Variants in TSEN34 observed in about 807,000 individuals in gnomAD.
TSEN34 encodes tRNA splicing endonuclease subunit 34.
TSEN34 carries 25 observed loss-of-function variants against 30.2 expected under a neutral mutation model. That is an observed-to-expected ratio of 0.83 (90% CI 0.60 to 1.16). The LOEUF is 1.16. Among genes scored for constraint, TSEN34 ranks in the 50% most tolerant of loss-of-function variants. The pLI is 0.00. For missense variants in TSEN34, 475 were observed against 411.9 expected, an observed-to-expected ratio of 1.15 and a Z score of -1.33; for synonymous variants, 209 against 177.4, an observed-to-expected ratio of 1.18 and a Z score of -1.41.
Position 54,193,199 on chromosome 19 carries a change from A to C in TSEN34, c.770A>C (p.His257Pro). 6.2e-7 allele frequency: 1 copy of C among 1,613,724 alleles called. No individual in the cohort carries two copies. The highest frequency in any genetic ancestry group is 1.1e-5 in the South Asian group (1 of 91,064). ...YPGDPLRFHA[H>P]YIAQCWAPED... The stretch of plus-strand genomic sequence containing the variant: ...GGTGACCCCCTCCGCTTCCACGCCC[A>C]TTATATCGCTCAGTGCTGGGCCCCT... Residue 257 changes from histidine to proline, a missense_variant, in exon 4 of 4, where the codon CAT (histidine) becomes CCT (proline). Transcript: ENST00000396388.
chr19:54,190,106 G>C (rs1038035351), upstream of TSEN34: 12 of 545,024 alleles, frequency 2.2e-5, no homozygotes, highest in African/African-American at 8.0e-5. Context: ...CTACGGGACC[G>C]GGCCAGGATG....
chr19:54,193,337 C>T lies in TSEN34; in HGVS notation c.908C>T (p.Ser303Phe), dbSNP rs2147091215. 6.2e-7 allele frequency: 1 copy of T among 1,614,170 alleles called. No individual in the cohort carries two copies. Among genetic ancestry groups the T allele is most frequent in the Non-Finnish European group, 8.5e-7 (1 of 1,180,022 alleles). ...PQPDGKVVYT[S>F]LQWASLQ is the part of the protein sequence containing the mutation. ...CCTGATGGTAAGGTGGTCTACACCT[C>T]CCTGCAATGGGCCAGCCTGCAGTGA... Residue 303 changes from serine (S) to phenylalanine (F), a missense_variant, in exon 4 of 4, where the codon TCC becomes TTC. Transcript: ENST00000396388.
At chr19:54,189,932 TGGGG>T, upstream of TSEN34, 1 of 279,678 alleles carries the variant, frequency 3.6e-6, no homozygotes, top group Non-Finnish European at 6.9e-6. Context: ...CGGATGTGGG[TGGGG>T]CCACAAGCTT....
In TSEN34 at chr19:54,193,605, T is replaced by C; in HGVS notation, c.*243T>C. 1 of 1,371,192 alleles carries C rather than the reference T, an allele frequency of 7.3e-7. No homozygotes were observed. Among genetic ancestry groups the C allele is most frequent in the Non-Finnish European group, 1.0e-6 (1 of 996,586 alleles). The allele number at this position is 1,371,192 out of a possible 1,614,324, so 84.9% of individuals were successfully genotyped here. A position where few individuals can be genotyped will look rare whatever the true frequency, so the allele number is the denominator to read the frequency against. On this transcript the variant is annotated 3_prime_UTR_variant, in exon 4 of 4. Coordinates refer to ENST00000396388, the MANE Select transcript of TSEN34 (RefSeq NM_001077446.4). ...CCCGAGAATGGGGCCTGGGTTTGAT[T>C]CATCTGTTTTCTACAGGGTTTAAGT...
rs2076696238 is a variant in TSEN34 at position 54,191,512 on chromosome 19, C to T, written c.148C>T (p.Leu50=). Residue 50 remains leucine, a synonymous_variant, in exon 1 of 4, where the codon CTG becomes TTG. Transcript: ENST00000396388. Reference sequence around the variant, plus strand: ...CCAGAACTCGCGCCTGGGCCTCCCGCTGCTGCTGATGCCCGAAGAGGCGCG... The same window carrying T: ...CCAGAACTCGCGCCTGGGCCTCCCGTTGCTGCTGATGCCCGAAGAGGCGCG... ...PRQNSRLGLP[L]LLMPEEARLL... is the part of the protein sequence containing the mutation. The T allele has an allele frequency of 6.3e-7, 1 of 1,589,588 alleles. No individual in the cohort carries two copies. The highest frequency in any genetic ancestry group is 8.5e-7 in the Non-Finnish European group (1 of 1,173,036).
chr19:54,192,470 T>TG (rs2076747594), intron 3 of TSEN34, 97 bp downstream of exon 3: 2 of 1,508,398 alleles, frequency 1.3e-6, no homozygotes, highest in African/African-American at 2.9e-5. Context: ...TTAATAGAGG[T>TG]GGGGTCTCTT....
At chr19:54,191,214 G>T, upstream of TSEN34, 1 of 1,414,390 alleles carries the variant, frequency 7.1e-7, no homozygotes, top group Non-Finnish European at 9.2e-7. Flanking sequence ...CTCGGGCCCA[G>T]CAGGTGGTGA....
upstream of TSEN34, chr19:54,190,418 G>C: frequency 4.1e-6 from 6 of 1,457,546 alleles, no homozygotes; most frequent in African/African-American, 1.5e-5. Context: ...TCTGAAGGGA[G>C]GCAAGGAGGC....
intron 3 of TSEN34, 111 bp from the exon 4 acceptor site, chr19:54,193,064 G>A: frequency 6.8e-7 from 1 of 1,477,274 alleles, no homozygotes; most frequent in Non-Finnish European, 9.3e-7. Context: ...CTGTTTTAGA[G>A]TATCTATAGT....
chr19:54,190,722 C>T (rs1018193949), upstream of TSEN34: 8 of 1,207,402 alleles, frequency 6.6e-6, no homozygotes, highest in African/African-American at 3.2e-5. Context: ...GCTGCGGATT[C>T]GGTGGAGCCG....
upstream of TSEN34, chr19:54,190,419 G>A (rs1408205907): frequency 1.4e-6 from 2 of 1,458,232 alleles, no homozygotes; most frequent in Non-Finnish European, 9.1e-7. Context: ...CTGAAGGGAG[G>A]CAAGGAGGCG....
At chr19:54,193,133 C>T (rs2076768845) in intron 3 of TSEN34, 42 bp from the exon 4 acceptor site, 3 of 1,611,866 alleles carry the variant, frequency 1.9e-6, no homozygotes. Context: ...GTCCAGCCGT[C>T]TGCCATTGGT....
upstream of TSEN34, chr19:54,191,098 G>A (rs2147072091): frequency 7.5e-7 from 1 of 1,332,418 alleles, no homozygotes; most frequent in Non-Finnish European, 9.6e-7. Context: ...GGGTAGAGCG[G>A]GACCCTGGGG....
rs1255531579 is a variant in TSEN34 at position 54,191,796 on chromosome 19, A to T, written c.319A>T (p.Thr107Ser). 6 of 1,614,034 alleles carry T rather than the reference A, an allele frequency of 3.7e-6. No homozygotes were observed. Among genetic ancestry groups the T allele is most frequent in the Non-Finnish European group, 3.4e-6 (4 of 1,180,002 alleles). The change falls in exon 2 of 4, where the codon ACC (threonine) becomes TCC (serine). Residue 107 changes from threonine to serine, a missense_variant. Physicochemically the swap from Thr to Ser is moderately conservative, Grantham distance 58. Transcript: ENST00000396388. ...CGCCTTGGCAGCTGAGGCCCGGGAG[A>T]CCCGTCGTCAGGAGCTCCTGGAGAA... ...QSALAAEARE[T>S]RRQELLEKIT...
chr19:54,190,292 C>A (rs1568840189), upstream of TSEN34: 3 of 1,366,232 alleles, frequency 2.2e-6, no homozygotes, highest in African/African-American at 2.9e-5. Context: ...AGGGTGTCGG[C>A]ATGAGGGGGT....
rs4006644 is a variant in TSEN34 at position 54,193,005 on chromosome 19, C to CAAAA, written c.746-158_746-155dup. 1.3e-3 allele frequency among the ~76,000 whole-genome samples: 125 copies of CAAAA among 99,220 alleles called. 9 individuals carry two copies. Among genetic ancestry groups the CAAAA allele is most frequent in the East Asian group, 5.2e-3 (19 of 3,644 alleles). The allele number at this position is 99,220 out of a possible 152,430, so 65.1% of individuals were successfully genotyped here. A position where few individuals can be genotyped will look rare whatever the true frequency, so the allele number is the denominator to read the frequency against. On this transcript the variant is annotated intron_variant, in intron 3 of 3. Coordinates refer to ENST00000396388, the MANE Select transcript of TSEN34 (RefSeq NM_001077446.4). ...GGGGGACAAGAGCGAGACTTTGTCT[C>CAAAA]AAAAAAAAAAAAAAAGCCTAGAAGT...
Position 54,191,410 on chromosome 19 carries a change from G to T in TSEN34, c.46G>T (p.Ala16Ser). 1 of 1,549,202 alleles carries T rather than the reference G, an allele frequency of 6.5e-7. No individual in the cohort carries two copies. ...VANGRSLVWG[A>S]EAVQALRERL... is the part of the protein sequence containing the mutation. ...GAACGGCCGCTCCCTGGTGTGGGGA[G>T]CCGAGGCGGTGCAGGCCCTCCGGGA... The change falls in exon 1 of 4, where the codon GCC becomes TCC. Residue 16 changes from alanine to serine, a missense_variant. Ala to Ser is a moderately conservative substitution (Grantham distance 99, BLOSUM62 1). Transcript: ENST00000396388.
Position 54,194,014 on chromosome 19 carries a change from C to A in TSEN34, c.*652C>A. 3.5e-6 allele frequency: 1 copy of A among 281,702 alleles called. No homozygotes were observed. Among genetic ancestry groups the A allele is most frequent in the Admixed American group, 4.8e-5 (1 of 21,012 alleles). 17.5% of individuals were successfully genotyped at this position (281,702 alleles called of 1,614,324 possible). A position where few individuals can be genotyped will look rare whatever the true frequency, so the allele number is the denominator to read the frequency against. The stretch of plus-strand genomic sequence containing the variant: ...CCCAGGAGTTTGAGACCAGCTCTGG[C>A]AACATTGTAATACCCAGTCTCTACA... On this transcript the variant is annotated 3_prime_UTR_variant, in exon 4 of 4. Transcript: ENST00000396388.
Position 54,192,346 on chromosome 19 carries a change from T to C in TSEN34, c.718T>C (p.Phe240Leu), listed in dbSNP as rs1194081533. Residue 240 changes from phenylalanine (F) to leucine (L), a missense_variant, in exon 3 of 4, where the codon TTC becomes CTC. Phe to Leu is a conservative substitution (Grantham distance 22). Coordinates refer to ENST00000396388, the MANE Select transcript of TSEN34 (RefSeq NM_001077446.4). ...CTTCTTCCTCAGTGCGGCTGGCAAG[T>C]TCGGAGGTGACTTCCTGGTCTATCC... ...RGFFLSAAGKFGGDFLVYPGD... is the reference protein window; with the variant it reads ...RGFFLSAAGKLGGDFLVYPGD... The C allele has an allele frequency of 6.2e-7, 1 of 1,614,130 alleles. No homozygotes were observed. Among genetic ancestry groups the C allele is most frequent in the East Asian group, 2.2e-5 (1 of 44,882 alleles).
Sources: allele counts gnomAD v4.1 joint callset (sites outside exome capture counted in the v4.1 genomes callset), GRCh38; gene constraint gnomAD v4.1.1; transcripts MANE v1.5; gene names NCBI Gene and HGNC (gene_info 2026-07-23, HGNC 2026-07-21).